The following PRKRA variants were observed in gnomAD, a reference collection of about 807,000 sequenced individuals.
PRKRA encodes protein activator of interferon induced protein kinase EIF2AK2.
Under a neutral mutation model 32.4 loss-of-function variants are expected in PRKRA, and 22 were observed. That is an observed-to-expected ratio of 0.68 (90% CI 0.49 to 0.97). The LOEUF (loss-of-function observed/expected upper bound fraction) is 0.97. PRKRA is among the 50% of genes least tolerant of loss of function. PRKRA has a pLI of 0.00. For missense variants in PRKRA, 319 were observed against 375.6 expected (o/e 0.85, Z 1.25); for synonymous variants, 139 against 129.8 (o/e 1.07, Z -0.48).
Position 178,436,010 on chromosome 2 carries a change from A to G in PRKRA, c.784+135T>C, listed in dbSNP as rs540242513. 1,537 of 753,116 alleles carry G rather than the reference A, an allele frequency of 2.0e-3. 34 individuals carry two copies. Among genetic ancestry groups the G allele is most frequent in the South Asian group, 0.018 (1,005 of 54,342 alleles). The allele number at this position is 753,116 out of a possible 1,614,324, so 46.7% of individuals were successfully genotyped here. On this transcript the variant is annotated intron_variant, in intron 7 of 7. Coordinates refer to ENST00000325748, the MANE Select transcript of PRKRA (RefSeq NM_003690.5). ...AATTATATATATTACTGGCCTAGTA[A>G]TTATATATACTTAGAATCCCTGATC...
At chr2:178,450,847 G>A in intron 1 of PRKRA, 119 bp downstream of exon 1, 1 of 1,382,238 alleles carries the variant, frequency 7.2e-7, no homozygotes, top group Non-Finnish European at 9.3e-7. Context: ...CCACAGCCGC[G>A]GAGGCGTGGG....
At chr2:178,438,547 T>C (rs1296567742) in intron 6 of PRKRA, among the ~76,000 whole-genome samples, 2 of 152,204 alleles carry the variant, frequency 1.3e-5, no homozygotes, top group Non-Finnish European at 2.9e-5. Context: ...TTACAGTATG[T>C]TTTGTTCTCT....
At position 178,450,330 on chromosome 2, in the gene PRKRA, G is replaced by C. The variant is rs1195607127; in HGVS notation, c.147C>G (p.Ile49Met). The change falls in exon 2 of 8, where the codon ATC (isoleucine) becomes ATG (methionine). Residue 49 changes from isoleucine (I) to methionine (M), a missense_variant. Transcript: ENST00000325748. Reference sequence around the variant, plus strand: ...CAGATCTTTCACATTCATAAACTGGGATGTTCTTGGTCTTCATGCCGTATT... The same window carrying C: ...CAGATCTTTCACATTCATAAACTGGCATGTTCTTGGTCTTCATGCCGTATT... ...LHEYGMKTKN[I>M]PVYECERSDV... 4 of 1,614,148 alleles carry C rather than the reference G, an allele frequency of 2.5e-6. No individual in the cohort carries two copies. The highest frequency in any genetic ancestry group is 1.7e-5 in the Admixed American group (1 of 60,006).
intron 6 of PRKRA, among the ~76,000 whole-genome samples, chr2:178,441,080 C>T (rs922106716): frequency 2.0e-5 from 3 of 152,212 alleles, no homozygotes; most frequent in East Asian, 1.9e-4. Flanking sequence ...TTGGCTTAGA[C>T]ATTACTTCTT....
intron 1 of PRKRA, 85 bp downstream of exon 1, chr2:178,450,881 A>T (rs1697589145): frequency 6.4e-6 from 8 of 1,241,296 alleles, no homozygotes; most frequent in Non-Finnish European, 7.2e-6. Flanking sequence ...TTTACCCAGA[A>T]TGCCTCTGGA....
chr2:178,450,606 G>C (rs1218912532), intron 1 of PRKRA, 195 bp from the exon 2 acceptor site: 1 of 1,473,598 alleles, frequency 6.8e-7, no homozygotes, highest in South Asian at 1.4e-5. Context: ...AGGAGCAGGC[G>C]GGGTGAGCGA....
intron 6 of PRKRA, among the ~76,000 whole-genome samples, chr2:178,438,124 G>C (rs1219944473): frequency 6.6e-6 from 1 of 152,030 alleles, no homozygotes; most frequent in Non-Finnish European, 1.5e-5. Context: ...TGTGCAGTAG[G>C]TTTTATGTTG....
At chr2:178,440,704 A>G (rs1021865920) in intron 6 of PRKRA, among the ~76,000 whole-genome samples, 4 of 152,144 alleles carry the variant, frequency 2.6e-5, no homozygotes, top group Admixed American at 1.3e-4. Flanking sequence ...TCAAGCTGTC[A>G]TGTCTCACGT....
At chr2:178,450,112 G>T in intron 2 of PRKRA, 130 bp downstream of exon 2, 1 of 1,162,364 alleles carries the variant, frequency 8.6e-7, no homozygotes, top group Non-Finnish European at 1.3e-6. Context: ...GACCTGAGAT[G>T]AGAGGTCTCA....
chr2:178,447,773 TAATAA>T (rs556583497), intron 2 of PRKRA, among the ~76,000 whole-genome samples, 187 bp from the exon 3 acceptor site: 68 of 152,234 alleles, frequency 4.5e-4, no homozygotes, highest in Non-Finnish European at 8.4e-4. Context: ...TTATATACTG[TAATAA>T]AATATTCACC....
In PRKRA at chr2:178,436,320, C is replaced by T; in HGVS notation, c.610-1G>A. On this transcript the variant is annotated splice_acceptor_variant, in intron 6 of 7. Coordinates refer to ENST00000325748, the MANE Select transcript of PRKRA (RefSeq NM_003690.5). LOFTEE classifies it high-confidence loss of function. ...CTAAAGAATGTCCTACTACATTTGT[C>T]TGAAAAACAGAGATGAAGATTTAGA... The T allele has an allele frequency of 1.2e-6, 1 of 834,616 alleles. No individual in the cohort carries two copies. 51.7% of individuals were successfully genotyped at this position (834,616 alleles called of 1,614,324 possible). A position where few individuals can be genotyped will look rare whatever the true frequency, so the allele number is the denominator to read the frequency against.
chr2:178,443,150 AGAG>A (rs1697180143), intron 5 of PRKRA, 114 bp downstream of exon 5: 6 of 763,268 alleles, frequency 7.9e-6, no homozygotes, highest in South Asian at 1.5e-5. Context: ...AGACAATAAA[AGAG>A]GAGTGTATCA....
chr2:178,447,771 T>C (rs1415256504), intron 2 of PRKRA, among the ~76,000 whole-genome samples, 185 bp from the exon 3 acceptor site: 2 of 152,240 alleles, frequency 1.3e-5, no homozygotes, highest in African/African-American at 4.8e-5. Context: ...GGTTATATAC[T>C]GTAATAAAAT....
Position 178,441,714 on chromosome 2 carries a change from G to A in PRKRA, c.515-10C>T, listed in dbSNP as rs1559355688. 1.3e-6 allele frequency: 1 copy of A among 758,942 alleles called. No individual in the cohort carries two copies. The highest frequency in any genetic ancestry group is 5.4e-5 in the East Asian group (1 of 18,416). 47.0% of individuals were successfully genotyped at this position (758,942 alleles called of 1,614,324 possible). On this transcript the variant is annotated splice_polypyrimidine_tract_variant and intron_variant, in intron 5 of 7. Coordinates refer to ENST00000325748, the MANE Select transcript of PRKRA (RefSeq NM_003690.5). ...TTTGATGCCCCCTTTCCTGAACAAA[G>A]AAAAAGAAATGGTAGATTTAGAAAA...
rs565738732 is a variant in PRKRA, at chr2:178,450,950, C to T, written c.65+16G>A. On this transcript the variant is annotated intron_variant, in intron 1 of 7. Coordinates refer to ENST00000325748, the MANE Select transcript of PRKRA (RefSeq NM_003690.5). ...AACGCTCCCGGCCCTGGGGCCCTGA[C>T]TGCCCGCACGCTGACCTGAAGGTCC... 6.5e-4 allele frequency: 506 copies of T among 775,020 alleles called. No homozygotes were observed. The highest frequency in any genetic ancestry group is 2.7e-3 in the Admixed American group (60 of 22,428). The allele number at this position is 775,020 out of a possible 1,614,324, so 48.0% of individuals were successfully genotyped here.
intron 2 of PRKRA, 80 bp downstream of exon 2, chr2:178,450,162 G>C: frequency 7.8e-7 from 1 of 1,288,954 alleles, no homozygotes. Context: ...GGCAAAAAGA[G>C]AACTTTTCCG....
chr2:178,439,733 T>C (rs1697043075), intron 6 of PRKRA: 1 of 152,158 alleles, frequency 6.6e-6, no homozygotes, highest in South Asian at 2.1e-4. Context: ...TTTGGTTTTT[T>C]TCCAAGTTTT....
At chr2:178,446,820 C>T (rs945947778) in intron 3 of PRKRA, among the ~76,000 whole-genome samples, 1 of 151,724 alleles carries the variant, frequency 6.6e-6, no homozygotes, top group Admixed American at 6.6e-5. Context: ...GGTGAAACCC[C>T]GTCTCTACTA....
chr2:178,450,746 C>T, intron 1 of PRKRA: 2 of 1,353,030 alleles, frequency 1.5e-6, no homozygotes, highest in Non-Finnish European at 1.9e-6. Flanking sequence ...GCGTCACCTC[C>T]GCCCGCCCCG....
Sources: allele counts gnomAD v4.1 joint callset (sites outside exome capture counted in the v4.1 genomes callset), GRCh38; gene constraint gnomAD v4.1.1; transcripts MANE v1.5; gene names NCBI Gene and HGNC (gene_info 2026-07-23, HGNC 2026-07-21).